The following PCLAF variants were observed in gnomAD, a reference collection of about 807,000 sequenced individuals.
PCLAF encodes PCNA-associated factor.
Under a neutral mutation model 15.1 loss-of-function variants are expected in PCLAF, and 12 were observed. The ratio of observed to expected loss-of-function variants is 0.79; its 90% CI spans 0.51 to 1.29. PCLAF has a LOEUF of 1.29. Ranked by LOEUF, PCLAF falls within the 50% of genes most tolerant of loss-of-function variation. The pLI, the probability that PCLAF is intolerant of heterozygous loss-of-function variation, is 0.00. For missense variants in PCLAF, 116 were observed against 130.9 expected (o/e 0.89, Z 0.56); for synonymous variants, 33 against 47.1 (o/e 0.70, Z 1.22).
intron 3 of PCLAF, among the ~76,000 whole-genome samples, chr15:64,366,952 G>T (rs1899059017): frequency 6.6e-6 from 1 of 150,494 alleles, no homozygotes; most frequent in Non-Finnish European, 1.5e-5. Flanking sequence ...CAGCCTCGGG[G>T]ACAGAGAGCC....
intron 2 of PCLAF, among the ~76,000 whole-genome samples, chr15:64,377,651 A>T (rs971410989): frequency 1.4e-5 from 2 of 146,566 alleles, no homozygotes; most frequent in South Asian, 2.2e-4. Context: ...GTTAAAGCAC[A>T]TATAAGAGGC....
At chr15:64,370,888 T>C (rs900141987) in intron 3 of PCLAF, among the ~76,000 whole-genome samples, 1 of 144,388 alleles carries the variant, frequency 6.9e-6, no homozygotes, top group African/African-American at 2.5e-5. Flanking sequence ...AAAAGCATTG[T>C]GAATTTAATG....
At chr15:64,386,940 C>T (rs1899954512) in intron 1 of PCLAF, among the ~76,000 whole-genome samples, 1 of 151,892 alleles carries the variant, frequency 6.6e-6, no homozygotes. Context: ...AAATTTTCCC[C>T]AGCCCATTGT....
chr15:64,373,369 T>C (rs1339617505), intron 3 of PCLAF: 1 of 237,630 alleles, frequency 4.2e-6, no homozygotes, highest in African/African-American at 2.2e-5. Flanking sequence ...TCTCTGTTAA[T>C]AAGGAGTGAA....
chr15:64,372,554 C>G (rs1272439550), intron 3 of PCLAF, among the ~76,000 whole-genome samples: 1 of 152,176 alleles, frequency 6.6e-6, no homozygotes, highest in Non-Finnish European at 1.5e-5. Context: ...GCGGAGCTTG[C>G]AGTGAGCCGA....
intron 2 of PCLAF, among the ~76,000 whole-genome samples, chr15:64,380,367 T>A (rs1224161722): frequency 6.6e-6 from 1 of 151,532 alleles, no homozygotes; most frequent in East Asian, 1.9e-4. Context: ...TGGGCAACAG[T>A]GCAAGACTCT....
At chr15:64,380,299 T>C (rs1393955312) in intron 2 of PCLAF, among the ~76,000 whole-genome samples, 8 of 151,694 alleles carry the variant, frequency 5.3e-5, no homozygotes, top group Non-Finnish European at 1.2e-4. Flanking sequence ...AGGAGAATCG[T>C]GTGAACCCGA....
chr15:64,385,901 C>CTTGA (rs144685813), upstream of PCLAF, among the ~76,000 whole-genome samples: 4,422 of 152,212 alleles, frequency 0.029, 81 homozygotes, highest in African/African-American at 0.054. Context: ...GGCCCTCCAC[C>CTTGA]TTGAGACTTG....
intron 3 of PCLAF, chr15:64,373,774 G>A (rs1268928728): frequency 6.5e-7 from 1 of 1,535,560 alleles, no homozygotes; most frequent in Admixed American, 2.0e-5. Flanking sequence ...GCTGGTGCAG[G>A]GGAGATAGCA....
intron 3 of PCLAF, among the ~76,000 whole-genome samples, chr15:64,374,355 G>A (rs573628928): frequency 6.6e-6 from 1 of 151,240 alleles, no homozygotes; most frequent in Admixed American, 6.6e-5. Flanking sequence ...TGGCTAACAC[G>A]GTGAAATCCC....
At chr15:64,382,358 A>G (rs1364730333), upstream of PCLAF, 1 of 151,598 alleles carries the variant, frequency 6.6e-6, no homozygotes, top group Admixed American at 6.6e-5. Context: ...GAGAGGTTGC[A>G]GTGAGCCATA....
intron 3 of PCLAF, among the ~76,000 whole-genome samples, chr15:64,368,321 A>T (rs1473035209): frequency 6.6e-6 from 1 of 152,188 alleles, no homozygotes; most frequent in Non-Finnish European, 1.5e-5. Context: ...GTCTCAGTAA[A>T]AAAAACAAAA....
At chr15:64,384,793 A>G (rs114660371), upstream of PCLAF, among the ~76,000 whole-genome samples, 6 of 152,162 alleles carry the variant, frequency 3.9e-5, no homozygotes, top group African/African-American at 1.4e-4. Context: ...GTCTTGCTAA[A>G]TGGGTGTGCT....
At chr15:64,368,847 T>C (rs1164840264) in intron 3 of PCLAF, among the ~76,000 whole-genome samples, 1 of 152,100 alleles carries the variant, frequency 6.6e-6, no homozygotes, top group African/African-American at 2.4e-5. Context: ...TGATGATCAG[T>C]GTTATAGTCA....
At chr15:64,381,298 C>T in intron 1 of PCLAF, 28 bp downstream of exon 1, 2 of 1,613,708 alleles carry the variant, frequency 1.2e-6, no homozygotes, top group South Asian at 1.1e-5. Flanking sequence ...ACCCCCCCGC[C>T]CTCCAGTACC....
chr15:64,375,707 T>G (rs1899581189), intron 3 of PCLAF, among the ~76,000 whole-genome samples: 2 of 152,170 alleles, frequency 1.3e-5, no homozygotes, highest in Non-Finnish European at 2.9e-5. Flanking sequence ...TATATATTTC[T>G]TGTGCAAGTT....
chr15:64,381,143 G>T, intron 1 of PCLAF, 105 bp from the exon 2 acceptor site: 1 of 1,262,396 alleles, frequency 7.9e-7, no homozygotes. Flanking sequence ...ATCCAGAACA[G>T]CAGGATAACC....
chr15:64,369,103 C>G (rs1057429301), intron 3 of PCLAF, among the ~76,000 whole-genome samples: 1 of 152,046 alleles, frequency 6.6e-6, no homozygotes, highest in African/African-American at 2.4e-5. Flanking sequence ...GGCTGAGGCC[C>G]GTAATCCCAA....
intron 1 of PCLAF, among the ~76,000 whole-genome samples, chr15:64,386,867 G>A (rs1899953068): frequency 6.6e-6 from 1 of 152,118 alleles, no homozygotes; most frequent in Non-Finnish European, 1.5e-5. Flanking sequence ...CTTTTAACCT[G>A]CAAATGCAAC....
Sources: allele counts gnomAD v4.1 joint callset (sites outside exome capture counted in the v4.1 genomes callset), GRCh38; gene constraint gnomAD v4.1.1; transcripts MANE v1.5; gene names NCBI Gene and HGNC (gene_info 2026-07-23, HGNC 2026-07-21).